Variants in SIRT2 observed in about 807,000 individuals in gnomAD.
SIRT2 encodes NAD-dependent protein deacetylase sirtuin-2.
Under a neutral mutation model 57.4 loss-of-function variants are expected in SIRT2, and 40 were observed. That is an observed-to-expected ratio of 0.70 (90% confidence interval 0.54 to 0.91). The LOEUF (loss-of-function observed/expected upper bound fraction) is 0.91. SIRT2 is among the 40% of genes least tolerant of loss of function. The pLI, the probability that SIRT2 is intolerant of heterozygous loss-of-function variation, is 0.00. For synonymous variants in SIRT2, 161 were observed against 195.7 expected, an observed-to-expected ratio of 0.82 and a Z score of 1.48; for missense variants, 439 against 510.4, an observed-to-expected ratio of 0.86 and a Z score of 1.35.
chr19:38,881,642 G>C lies in SIRT2; in HGVS notation c.632-151C>G. 4 of 633,654 alleles carry C rather than the reference G, an allele frequency of 6.3e-6. No individual in the cohort carries two copies. The South Asian group carries it at 7.6e-5, about 12-fold the overall frequency. The allele number at this position is 633,654 out of a possible 1,614,324, so 39.3% of individuals were successfully genotyped here. On this transcript the variant is annotated intron_variant, in intron 9 of 15. Coordinates refer to ENST00000249396, the MANE Select transcript of SIRT2 (RefSeq NM_012237.4). ...GGGTGTCTCCTGAGGTGTCCACTCT[G>C]CTCAGAAAAGACCTCTCTTCTTGTT...
intron 8 of SIRT2, among the ~76,000 whole-genome samples, chr19:38,884,261 GC>G (rs1173422160): frequency 6.6e-6 from 1 of 152,128 alleles, no homozygotes; most frequent in African/African-American, 2.4e-5. Flanking sequence ...AGAGCCAGAT[GC>G]TTTATTTCCA....
rs536832658 is a variant in SIRT2, at chr19:38,880,014, G to A, written c.877-312C>T. On this transcript the variant is annotated intron_variant, in intron 13 of 15. Coordinates refer to ENST00000249396, the MANE Select transcript of SIRT2 (RefSeq NM_012237.4). This position sits in a 1 kb window ranked among gnomAD's most constrained non-coding sequence, Gnocchi z 4.1. ...CTAATTTTGTATTATTAGTAGAGAC[G>A]GGGTTTCACCATGTTGGTCAGGCTG... 5.6e-5 allele frequency: 17 copies of A among 302,980 alleles called. No individual in the cohort carries two copies. Among genetic ancestry groups the A allele is most frequent in the Middle Eastern group, 1.1e-3 (1 of 918 alleles). The allele number at this position is 302,980 out of a possible 1,614,324, so 18.8% of individuals were successfully genotyped here. A position where few individuals can be genotyped will look rare whatever the true frequency, so the allele number is the denominator to read the frequency against.
intron 11 of SIRT2, 61 bp downstream of exon 11, chr19:38,881,038 AT>A (rs1600105846): frequency 6.4e-7 from 1 of 1,566,010 alleles, no homozygotes. Context: ...GGCTGCCCCC[AT>A]GGGGCCCAGC....
Position 38,890,053 on chromosome 19 carries a change from G to C in SIRT2, c.268+50C>G. ...TAGGGCTCCTCCCCAGCCCTTGGGA[G>C]GGACTCCCCAGTTCCTGGGGGTAGC... On this transcript the variant is annotated intron_variant, in intron 5 of 15. Transcript: ENST00000249396. 2 of 1,612,916 alleles carry C rather than the reference G, an allele frequency of 1.2e-6. 1 individual carries two copies. The highest frequency in any genetic ancestry group is 4.5e-5 in the East Asian group (2 of 44,868).
intron 2 of SIRT2, 31 bp downstream of exon 2, chr19:38,898,348 C>T: frequency 7.0e-7 from 1 of 1,431,394 alleles, no homozygotes; most frequent in East Asian, 2.4e-5. Flanking sequence ...GTCCGTCTCT[C>T]TCCTCCCCTC....
At chr19:38,879,579 T>C (rs2144663376) in intron 14 of SIRT2, 53 bp downstream of exon 14, 3 of 1,550,790 alleles carry the variant, frequency 1.9e-6, no homozygotes, top group African/African-American at 2.7e-5. Context: ...GTGCCCCCGC[T>C]CCCACCTCAC....
intron 4 of SIRT2, 130 bp from the exon 5 acceptor site, chr19:38,890,274 G>A: frequency 2.4e-6 from 2 of 839,584 alleles, no homozygotes; most frequent in South Asian, 1.5e-5. Flanking sequence ...ATGCATGACG[G>A]GCCTTCCAAT....
At position 38,889,159 on chromosome 19, in the gene SIRT2, C is replaced by G. The variant is rs1973438872; in HGVS notation, c.433-4G>C. ...TGAAGTAGTGACAGATGGTTGGCTG[C>G]AGGGAAGAGCGACAGCACTGCTGAC... On this transcript the variant is annotated splice_region_variant and splice_polypyrimidine_tract_variant and intron_variant, in intron 7 of 15. Coordinates refer to ENST00000249396, the MANE Select transcript of SIRT2 (RefSeq NM_012237.4). 6.2e-7 allele frequency: 1 copy of G among 1,612,654 alleles called. No homozygotes were observed. The highest frequency in any genetic ancestry group is 1.7e-5 in the Admixed American group (1 of 60,010).
chr19:38,892,761 G>T (rs1973583368), intron 4 of SIRT2, among the ~76,000 whole-genome samples: 1 of 150,628 alleles, frequency 6.6e-6, no homozygotes, highest in African/African-American at 2.5e-5. Flanking sequence ...TTGTAGAGAT[G>T]GCGGGGGGGT....
intron 8 of SIRT2, among the ~76,000 whole-genome samples, chr19:38,884,000 C>T (rs768397512): frequency 7.2e-5 from 11 of 151,808 alleles, no homozygotes; most frequent in East Asian, 1.9e-4. Context: ...TGGCGGCTCA[C>T]GCCTATAATC....
rs1247262649 is a variant in SIRT2 at position 38,880,612 on chromosome 19, G to A, written c.876+73C>T. Reference sequence around the variant, plus strand: ...CAAAGTGCTGGGGTTCCACAGTGGGGGTTCCCTCTGAGGAAAAGGGTGAGA... The same window carrying A: ...CAAAGTGCTGGGGTTCCACAGTGGGAGTTCCCTCTGAGGAAAAGGGTGAGA... On this transcript the variant is annotated intron_variant, in intron 13 of 15. Transcript: ENST00000249396. This position sits in a 1 kb window ranked among gnomAD's most constrained non-coding sequence, Gnocchi z 4.1. 2 of 1,013,066 alleles carry A rather than the reference G, an allele frequency of 2.0e-6. No homozygotes were observed. The highest frequency in any genetic ancestry group is 3.2e-5 in the African/African-American group (2 of 62,078). 62.8% of individuals were successfully genotyped at this position (1,013,066 alleles called of 1,614,324 possible).
chr19:38,890,294 G>A (rs575082644), intron 4 of SIRT2, 150 bp from the exon 5 acceptor site: 5 of 720,976 alleles, frequency 6.9e-6, no homozygotes, highest in Admixed American at 2.5e-5. Flanking sequence ...TCATCTAGAC[G>A]GGGATGGTGT....
intron 2 of SIRT2, among the ~76,000 whole-genome samples, chr19:38,895,034 T>TC (rs931184412): frequency 2.1e-5 from 3 of 142,996 alleles, no homozygotes; most frequent in Non-Finnish European, 3.1e-5. Flanking sequence ...GATCGTACTG[T>TC]CCCCCCCATC....
At chr19:38,879,540 G>T in intron 14 of SIRT2, 40 bp from the exon 15 acceptor site, 2 of 1,569,594 alleles carry the variant, frequency 1.3e-6, no homozygotes, top group South Asian at 1.2e-5. Flanking sequence ...AGGCGGGCTC[G>T]CCCCTGCCTG....
intron 2 of SIRT2, among the ~76,000 whole-genome samples, chr19:38,895,900 G>A (rs541843787): frequency 4.6e-5 from 7 of 152,112 alleles, no homozygotes; most frequent in South Asian, 2.1e-4. Flanking sequence ...ATGAAACCCC[G>A]TGTCTAATAA....
At chr19:38,896,160 T>C (rs374807158) in intron 2 of SIRT2, among the ~76,000 whole-genome samples, 19 of 152,248 alleles carry the variant, frequency 1.2e-4, no homozygotes, top group African/African-American at 4.6e-4. Context: ...TGCAAAAACC[T>C]TGATTATACT....
intron 1 of SIRT2, 106 bp from the exon 2 acceptor site, chr19:38,898,531 AC>A: frequency 2.1e-6 from 1 of 476,202 alleles, no homozygotes; most frequent in Non-Finnish European, 3.7e-6. Context: ...CAACCTAGTT[AC>A]ACTGGGATGG....
At position 38,880,983 on chromosome 19, in the gene SIRT2, C is replaced by G. The variant is rs550989255; in HGVS notation, c.748-86G>C. 1.3e-6 allele frequency: 2 copies of G among 1,544,718 alleles called. No homozygotes were observed. Among genetic ancestry groups the G allele is most frequent in the East Asian group, 2.3e-5 (1 of 44,012 alleles). ...CGCCCCCAGCAGCAAACCTCCCTGCCGCCCCCCATAGCTGGGGAGGTGACC... is the reference window on the plus strand; with the variant it reads ...CGCCCCCAGCAGCAAACCTCCCTGCGGCCCCCCATAGCTGGGGAGGTGACC... On this transcript the variant is annotated intron_variant, in intron 11 of 15. Transcript: ENST00000249396. This position sits in a 1 kb window ranked among gnomAD's most constrained non-coding sequence, Gnocchi z 4.1.
chr19:38,879,639 C>T lies in SIRT2; in HGVS notation c.940G>A (p.Ala314Thr). ...CCCCCGGCGGGGCCTCACCTGTAGG[C>T]CTTCTTGGAGTCAAAGTCCATGCCT... ...GGGMDFDSKK[A>T]YRDVAWLGEC... Residue 314 changes from alanine (A) to threonine (T), a missense_variant, in exon 14 of 16, where the codon GCC (alanine) becomes ACC (threonine). Coordinates refer to ENST00000249396, the MANE Select transcript of SIRT2 (RefSeq NM_012237.4). The T allele has an allele frequency of 6.4e-7, 1 of 1,572,354 alleles. No individual in the cohort carries two copies. Among genetic ancestry groups the T allele is most frequent in the Non-Finnish European group, 8.6e-7 (1 of 1,158,550 alleles).
Sources: allele counts gnomAD v4.1 joint callset (sites outside exome capture counted in the v4.1 genomes callset), GRCh38; gene constraint gnomAD v4.1.1; non-coding constraint Gnocchi (gnomAD v3.1); transcripts MANE v1.5; gene names NCBI Gene and HGNC (gene_info 2026-07-23, HGNC 2026-07-21).